Variants in PRKN observed in about 807,000 individuals in gnomAD.
PRKN encodes E3 ubiquitin-protein ligase parkin.
Under a neutral mutation model 59.5 loss-of-function variants are expected in PRKN, and 56 were observed. The ratio of observed to expected loss-of-function variants is 0.94; its 90% CI spans 0.76 to 1.18. The LOEUF is 1.18. Ranked by LOEUF, PRKN falls within the 50% of genes most tolerant of loss-of-function variation. PRKN has a pLI of 0.00. For missense variants in PRKN, 657 were observed against 596.4 expected, an observed-to-expected ratio of 1.10 and a Z score of -1.06; for synonymous variants, 250 against 222.1, an observed-to-expected ratio of 1.13 and a Z score of -1.12.
At chr6:162,217,333 G>C (rs1385400258) in intron 3 of PRKN, among the ~76,000 whole-genome samples, 1 of 152,080 alleles carries the variant, frequency 6.6e-6, no homozygotes, top group African/African-American at 2.4e-5. Flanking sequence ...TCTCCTTACT[G>C]CTCTGGCTTC....
intron 6 of PRKN, among the ~76,000 whole-genome samples, chr6:161,850,210 T>G (rs887826142): frequency 6.6e-6 from 1 of 151,888 alleles, no homozygotes; most frequent in Non-Finnish European, 1.5e-5. Context: ...CTAAGAAAAA[T>G]AACAATTTTG....
intron 1 of PRKN, among the ~76,000 whole-genome samples, chr6:162,651,572 C>T (rs1460179796): frequency 6.6e-6 from 1 of 152,174 alleles, no homozygotes; most frequent in African/African-American, 2.4e-5. Flanking sequence ...ATACTAGTTA[C>T]ACCTCATAAC....
At chr6:162,065,713 C>T (rs1582980585) in intron 4 of PRKN, among the ~76,000 whole-genome samples, 2 of 152,288 alleles carry the variant, frequency 1.3e-5, no homozygotes. Context: ...AATGCCATCC[C>T]TCCCCCAGCC....
intron 5 of PRKN, among the ~76,000 whole-genome samples, chr6:162,042,383 C>A (rs138485300): frequency 0.011 from 1,626 of 152,118 alleles, 18 homozygotes; most frequent in South Asian, 0.028. Context: ...ACTCCACCTC[C>A]GGGGCTAAAG....
chr6:162,271,154 T>G (rs1159989100), intron 2 of PRKN, among the ~76,000 whole-genome samples: 2 of 151,218 alleles, frequency 1.3e-5, no homozygotes, highest in Admixed American at 1.3e-4. Flanking sequence ...CCTGAGCCAC[T>G]GCACCTGGCT....
intron 7 of PRKN, among the ~76,000 whole-genome samples, chr6:161,758,416 T>C (rs1217594888): frequency 2.0e-5 from 3 of 152,174 alleles, no homozygotes; most frequent in Non-Finnish European, 4.4e-5. Context: ...ACTTTTCTTA[T>C]ACACAACAAT....
intron 7 of PRKN, among the ~76,000 whole-genome samples, chr6:161,779,016 T>C (rs966970597): frequency 6.6e-6 from 1 of 152,176 alleles, no homozygotes; most frequent in Non-Finnish European, 1.5e-5. Flanking sequence ...CTCGGCTCAC[T>C]GCAACCTCCA....
At chr6:162,254,538 A>T (rs79501706) in intron 3 of PRKN, among the ~76,000 whole-genome samples, 8,884 of 152,030 alleles carry the variant, frequency 0.058, 347 homozygotes, top group Middle Eastern at 0.14. Context: ...ACTGACCCTG[A>T]TCTGAAAACA....
rs1347113242 is a variant in PRKN at position 161,400,346 on chromosome 6, C to T, written c.1084-13469G>A. Reference sequence around the variant, plus strand: ...TTTTGAGATGGAATTTCACTCTTGTCACCCAGGCTGGAGTGCAATGGCACG... The same window carrying T: ...TTTTGAGATGGAATTTCACTCTTGTTACCCAGGCTGGAGTGCAATGGCACG... On this transcript the variant is annotated intron_variant, in intron 9 of 11. Coordinates refer to ENST00000366898, the MANE Select transcript of PRKN (RefSeq NM_004562.3). The surrounding 1 kb of genome is among the most constrained non-coding windows in gnomAD (Gnocchi z 4.2). Among the ~76,000 whole-genome samples, 76 of 150,562 alleles carry T rather than the reference C, an allele frequency of 5.0e-4. No homozygotes were observed. Among genetic ancestry groups the T allele is most frequent in the Non-Finnish European group, 1.5e-5 (1 of 67,812 alleles).
chr6:161,478,937 T>G (rs1483563923), intron 9 of PRKN, among the ~76,000 whole-genome samples: 1 of 152,240 alleles, frequency 6.6e-6, no homozygotes, highest in Non-Finnish European at 1.5e-5. Context: ...AGTCATCATA[T>G]AAATATGTAA....
intron 1 of PRKN, among the ~76,000 whole-genome samples, chr6:162,574,874 T>TTATG (rs1780497675): frequency 6.6e-6 from 1 of 152,140 alleles, no homozygotes; most frequent in Admixed American, 6.6e-5. Flanking sequence ...TTATTTTCCA[T>TTATG]TATGTACACT....
chr6:161,517,257 A>C (rs1011839878), intron 9 of PRKN, among the ~76,000 whole-genome samples: 1 of 152,158 alleles, frequency 6.6e-6, no homozygotes, highest in African/African-American at 2.4e-5. Context: ...CTATCTTTTT[A>C]GGTTCATTCG....
chr6:161,952,277 G>A (rs957163349), intron 6 of PRKN, among the ~76,000 whole-genome samples: 35 of 152,116 alleles, frequency 2.3e-4, no homozygotes, highest in African/African-American at 8.0e-4. Flanking sequence ...GAAAAAGATG[G>A]TCAGTGAAGA....
chr6:161,450,125 G>A (rs1348587737), intron 9 of PRKN, among the ~76,000 whole-genome samples: 1 of 152,180 alleles, frequency 6.6e-6, no homozygotes, highest in Non-Finnish European at 1.5e-5. Flanking sequence ...AAGGCCTCTT[G>A]GTGTTCCTTT....
Position 161,448,855 on chromosome 6 carries a change from A to G in PRKN, c.1084-61978T>C, listed in dbSNP as rs1158758753. ...TTAACCTTCCCAAATGAGTGGCACT[A>G]TTATTTTAAAATAAAAGCGTTCAAG... is the stretch of plus-strand genomic sequence containing the variant. On this transcript the variant is annotated intron_variant, in intron 9 of 11. Coordinates refer to ENST00000366898, the MANE Select transcript of PRKN (RefSeq NM_004562.3). The surrounding 1 kb of genome is among the most constrained non-coding windows in gnomAD (Gnocchi z 5.1). Among the ~76,000 whole-genome samples the G allele has an allele frequency of 6.6e-6, 1 of 152,172 alleles. No homozygotes were observed. The highest frequency in any genetic ancestry group is 1.5e-5 in the Non-Finnish European group (1 of 68,034).
chr6:161,771,396 A>AAAAAAAAAT (rs1562671030), intron 7 of PRKN, among the ~76,000 whole-genome samples: 2 of 148,286 alleles, frequency 1.3e-5, no homozygotes, highest in African/African-American at 5.1e-5. Flanking sequence ...ATAAAATAAA[A>AAAAAAAAAT]TAAAAGCACT....
At chr6:161,738,436 A>G (rs1257666470) in intron 7 of PRKN, among the ~76,000 whole-genome samples, 1 of 152,192 alleles carries the variant, frequency 6.6e-6, no homozygotes, top group Admixed American at 6.5e-5. Context: ...AGCTTTTATA[A>G]ACGTGAAAAG....
intron 3 of PRKN, among the ~76,000 whole-genome samples, chr6:162,229,410 G>A (rs145394985): frequency 5.9e-5 from 9 of 152,062 alleles, no homozygotes; most frequent in African/African-American, 2.2e-4. Context: ...TGACACAAGC[G>A]TCACCCACGC....
At chr6:162,373,139 A>G (rs1785861609) in intron 2 of PRKN, among the ~76,000 whole-genome samples, 1 of 140,004 alleles carries the variant, frequency 7.1e-6, no homozygotes. Context: ...GGAACAGAAT[A>G]TTTGGAAAAA....
Sources: allele counts gnomAD v4.1 joint callset (sites outside exome capture counted in the v4.1 genomes callset), GRCh38; gene constraint gnomAD v4.1.1; non-coding constraint Gnocchi (gnomAD v3.1); transcripts MANE v1.5; gene names NCBI Gene and HGNC (gene_info 2026-07-23, HGNC 2026-07-21).